SLC35F5: variants seen among roughly 807,000 people sequenced by gnomAD.
SLC35F5 encodes solute carrier family 35 member F5, also known as HCV NS5A-transactivated protein 3.
Under a neutral mutation model 68.6 loss-of-function variants are expected in SLC35F5, and 54 were observed. The ratio of observed to expected loss-of-function variants is 0.79; its 90% confidence interval spans 0.63 to 0.99. The LOEUF is 0.99. Ranked by LOEUF, SLC35F5 falls within the 50% of genes least tolerant of loss-of-function variation. SLC35F5 has a pLI of 0.00. For synonymous variants in SLC35F5, 211 were observed against 205.2 expected, an observed-to-expected ratio of 1.03 and a Z score of -0.24; for missense variants, 567 against 626.9, an observed-to-expected ratio of 0.90 and a Z score of 1.02.
rs1316328406 is a variant in SLC35F5, at chr2:113,728,076, C to T, written c.1090+1325G>A. 2.0e-5 allele frequency among the ~76,000 whole-genome samples: 3 copies of T among 152,120 alleles called. No homozygotes were observed. The South Asian group carries it at 6.2e-4, about 31-fold the overall frequency. On this transcript the variant is annotated intron_variant, in intron 11 of 15. Coordinates refer to ENST00000245680, the MANE Select transcript of SLC35F5 (RefSeq NM_025181.5). ...ACACAATCATAGCTCACTGCAGACTCGAACTCCTGGACTCAAGTGATTCTC... is the reference window on the plus strand; with the variant it reads ...ACACAATCATAGCTCACTGCAGACTTGAACTCCTGGACTCAAGTGATTCTC...
chr2:113,720,557 C>A (rs181845894), intron 13 of SLC35F5, among the ~76,000 whole-genome samples: 4 of 152,092 alleles, frequency 2.6e-5, no homozygotes, highest in East Asian at 3.9e-4. Flanking sequence ...CCTAAGAAGA[C>A]CCCGGAAAGA....
downstream of SLC35F5, among the ~76,000 whole-genome samples, chr2:113,706,492 G>A (rs1686801680): frequency 6.6e-6 from 1 of 152,182 alleles, no homozygotes; most frequent in Non-Finnish European, 1.5e-5. Flanking sequence ...AAAGTTCAAT[G>A]GAAGGGACTT....
chr2:113,734,685 A>C lies in SLC35F5; in HGVS notation c.833-12T>G. The C allele has an allele frequency of 6.6e-7, 1 of 1,516,502 alleles. No homozygotes were observed. The highest frequency in any genetic ancestry group is 1.2e-5 in the South Asian group (1 of 85,546). 93.9% of individuals were successfully genotyped at this position (1,516,502 alleles called of 1,614,324 possible). A position where few individuals can be genotyped will look rare whatever the true frequency, so the allele number is the denominator to read the frequency against. ...TAAGGTAAAAAGTCCTATGAGGAGAAAAGAATTTAAAAATGGTACATGAGT... is the reference window on the plus strand; with the variant it reads ...TAAGGTAAAAAGTCCTATGAGGAGACAAGAATTTAAAAATGGTACATGAGT... On this transcript the variant is annotated splice_polypyrimidine_tract_variant and intron_variant, in intron 8 of 15. Transcript: ENST00000245680.
chr2:113,708,061 A>G lies in SLC35F5; in HGVS notation c.*7157T>C, dbSNP rs936365736. On this transcript the variant is annotated 3_prime_UTR_variant, in exon 16 of 16. Coordinates refer to ENST00000245680, the MANE Select transcript of SLC35F5 (RefSeq NM_025181.5). ...AAATAGATCTTTCAAATGCAATTGC[A>G]GTATCCAAGGAAATTCCTCCCACCC... 7.9e-5 allele frequency among the ~76,000 whole-genome samples: 12 copies of G among 151,682 alleles called. No homozygotes were observed. The highest frequency in any genetic ancestry group is 1.5e-4 in the Non-Finnish European group (10 of 67,908).
chr2:113,731,705 G>T, intron 9 of SLC35F5, 57 bp from the exon 10 acceptor site: 1 of 1,367,454 alleles, frequency 7.3e-7, no homozygotes, highest in Non-Finnish European at 1.0e-6. Flanking sequence ...GCCTAATCAT[G>T]AAGATAAAAA....
intron 6 of SLC35F5, 137 bp downstream of exon 6, chr2:113,743,576 C>T: frequency 1.7e-6 from 1 of 576,458 alleles, no homozygotes; most frequent in Non-Finnish European, 3.1e-6. Context: ...TCCAGTCAAA[C>T]TTCTAGAAGA....
In SLC35F5 at chr2:113,719,033, A is replaced by G. The variant is rs1035282689; in HGVS notation, c.1496+121T>C. On this transcript the variant is annotated intron_variant, in intron 14 of 15. Transcript: ENST00000245680. ...TTATTTTATTTTCATCTGCCGTAACATATAAGTTATCATCTTTCAATAATT... is the reference window on the plus strand; with the variant it reads ...TTATTTTATTTTCATCTGCCGTAACGTATAAGTTATCATCTTTCAATAATT... 1.4e-5 allele frequency: 12 copies of G among 857,132 alleles called. No individual in the cohort carries two copies. In the African/African-American group the frequency reaches 1.8e-4, roughly 13 times the overall value. The allele number at this position is 857,132 out of a possible 1,614,324, so 53.1% of individuals were successfully genotyped here. A position where few individuals can be genotyped will look rare whatever the true frequency, so the allele number is the denominator to read the frequency against.
At chr2:113,728,236 T>A (rs1357937731) in intron 11 of SLC35F5, among the ~76,000 whole-genome samples, 1 of 152,226 alleles carries the variant, frequency 6.6e-6, no homozygotes, top group Non-Finnish European at 1.5e-5. Flanking sequence ...AAACATTTTA[T>A]TTTTGTTAGT....
intron 11 of SLC35F5, among the ~76,000 whole-genome samples, chr2:113,726,845 GC>G (rs978133765): frequency 1.3e-5 from 2 of 152,150 alleles, no homozygotes; most frequent in African/African-American, 4.8e-5. Flanking sequence ...ATACTTGTGC[GC>G]CACACGGTTC....
chr2:113,717,943 C>A, intron 14 of SLC35F5, 93 bp from the exon 15 acceptor site: 1 of 844,592 alleles, frequency 1.2e-6, no homozygotes, highest in Non-Finnish European at 1.9e-6. Context: ...GCTATGTGGA[C>A]AGGATGCAAG....
chr2:113,756,606 G>A lies in SLC35F5; in HGVS notation c.-197C>T, dbSNP rs1015616511. 6.5e-6 allele frequency: 9 copies of A among 1,377,980 alleles called. No homozygotes were observed. The highest frequency in any genetic ancestry group is 1.5e-5 in the South Asian group (1 of 65,448). 85.4% of individuals were successfully genotyped at this position (1,377,980 alleles called of 1,614,324 possible). A position where few individuals can be genotyped will look rare whatever the true frequency, so the allele number is the denominator to read the frequency against. The stretch of plus-strand genomic sequence containing the variant: ...CGTGGAGCGGGTGAGGGGAAGGGAC[G>A]GCACAGTCAGCTATGGCCGCGGAGG... On this transcript the variant is annotated 5_prime_UTR_variant, in exon 1 of 16. Coordinates refer to ENST00000245680, the MANE Select transcript of SLC35F5 (RefSeq NM_025181.5).
chr2:113,719,806 T>C lies in SLC35F5; in HGVS notation c.1342-498A>G, dbSNP rs547157419. On this transcript the variant is annotated intron_variant, in intron 13 of 15. Coordinates refer to ENST00000245680, the MANE Select transcript of SLC35F5 (RefSeq NM_025181.5). Reference sequence around the variant, plus strand: ...TACCAAAAACAAATTAAGTGCAAATTTGACACTCAAAACTCGCTTATCTAG... The same window carrying C: ...TACCAAAAACAAATTAAGTGCAAATCTGACACTCAAAACTCGCTTATCTAG... 4 of 152,152 alleles carry C rather than the reference T, an allele frequency of 2.6e-5. No individual in the cohort carries two copies. The South Asian group carries it at 6.2e-4, about 24-fold the overall frequency. 9.4% of individuals were successfully genotyped at this position (152,152 alleles called of 1,614,324 possible). A position where few individuals can be genotyped will look rare whatever the true frequency, so the allele number is the denominator to read the frequency against.
chr2:113,742,730 T>C lies in SLC35F5; in HGVS notation c.712A>G (p.Thr238Ala). ...ILKTVGKLTA[T>A]QVAKISFFFC... The stretch of plus-strand genomic sequence containing the variant: ...AAAAAGCTAATTTTCGCTACTTGAG[T>C]TGCAGTAAGTTTCCCCACAGTTTTC... The change falls in exon 7 of 16, where the codon ACT becomes GCT. Residue 238 changes from threonine to alanine, a missense_variant. Physicochemically the swap from Thr to Ala is moderately conservative, Grantham distance 58. Coordinates refer to ENST00000245680, the MANE Select transcript of SLC35F5 (RefSeq NM_025181.5). The C allele has an allele frequency of 6.2e-7, 1 of 1,613,928 alleles. No individual in the cohort carries two copies. The highest frequency in any genetic ancestry group is 8.5e-7 in the Non-Finnish European group (1 of 1,179,956).
In SLC35F5 at chr2:113,711,193, C is replaced by T. The variant is rs1279489031; in HGVS notation, c.*4025G>A. On this transcript the variant is annotated 3_prime_UTR_variant, in exon 16 of 16. Coordinates refer to ENST00000245680, the MANE Select transcript of SLC35F5 (RefSeq NM_025181.5). ...TTTGTGTCACCCCAGATTCAAAATG[C>T]TGTTATTGGAAATGTTACCATTTCA... Among the ~76,000 whole-genome samples the T allele has an allele frequency of 2.0e-5, 3 of 152,136 alleles. No individual in the cohort carries two copies. The East Asian group carries it at 5.8e-4, about 29-fold the overall frequency.
intron 11 of SLC35F5, among the ~76,000 whole-genome samples, chr2:113,728,504 C>A (rs1559332879): frequency 6.6e-6 from 1 of 152,150 alleles, no homozygotes; most frequent in Non-Finnish European, 1.5e-5. Context: ...AGAGCTGTTC[C>A]ACAGGTGAAG....
Position 113,742,825 on chromosome 2 carries a change from G to T in SLC35F5, c.617C>A (p.Pro206Gln), listed in dbSNP as rs149790536. ...CTTTGCTTCCAATGCATGACTTGAC[G>T]GAAGCTGTCGAATCTCCATGATATT... ...FSNIMEIRQL[P>Q]SSHALEAKLS... Residue 206 changes from proline to glutamine, a missense_variant, in exon 7 of 16, where the codon CCG (proline) becomes CAG (glutamine). By Grantham distance (76) the Pro-to-Gln change is moderately conservative (BLOSUM62 -1). Coordinates refer to ENST00000245680, the MANE Select transcript of SLC35F5 (RefSeq NM_025181.5). 6.2e-7 allele frequency: 1 copy of T among 1,614,076 alleles called. No homozygotes were observed.
At chr2:113,722,924 A>G (rs1266229392) in intron 13 of SLC35F5, among the ~76,000 whole-genome samples, 180 bp downstream of exon 13, 1 of 152,242 alleles carries the variant, frequency 6.6e-6, no homozygotes, top group Admixed American at 6.5e-5. Flanking sequence ...AAAGCTAAAA[A>G]TGGAAATTAT....
chr2:113,719,042 A>T, intron 14 of SLC35F5, 112 bp downstream of exon 14: 1 of 954,066 alleles, frequency 1.0e-6, no homozygotes. Context: ...CATATAAGTT[A>T]TCATCTTTCA....
At chr2:113,736,043 A>C (rs779461214) in intron 7 of SLC35F5, among the ~76,000 whole-genome samples, 185 bp from the exon 8 acceptor site, 1 of 151,966 alleles carries the variant, frequency 6.6e-6, no homozygotes, top group Non-Finnish European at 1.5e-5. Context: ...CAGACCTAAG[A>C]CCATGCTACC....
Sources: allele counts gnomAD v4.1 joint callset (sites outside exome capture counted in the v4.1 genomes callset), GRCh38; gene constraint gnomAD v4.1.1; transcripts MANE v1.5; gene names NCBI Gene and HGNC (gene_info 2026-07-23, HGNC 2026-07-21).